Variants in ZNF675 observed in about 807,000 individuals in gnomAD.
The protein encoded by ZNF675 is zinc finger protein 675, also known as TRAF6 inhibitory zinc finger.
Under a neutral mutation model 56.1 loss-of-function variants are expected in ZNF675, and 36 were observed. The ratio of observed to expected loss-of-function variants is 0.64; its 90% CI spans 0.49 to 0.85. ZNF675 has a LOEUF of 0.85. Ranked by LOEUF, ZNF675 falls within the 40% of genes least tolerant of loss-of-function variation. ZNF675 has a pLI of 0.00. For missense variants in ZNF675, 663 were observed against 654.2 expected, an observed-to-expected ratio of 1.01 and a Z score of -0.15; for synonymous variants, 200 against 218.9, an observed-to-expected ratio of 0.91 and a Z score of 0.76.
At chr19:23,677,839 G>A (rs967166358) in intron 1 of ZNF675, among the ~76,000 whole-genome samples, 5 of 151,524 alleles carry the variant, frequency 3.3e-5, no homozygotes, top group African/African-American at 1.2e-4. Flanking sequence ...GTCAGAGATG[G>A]CCGGCTACAG....
chr19:23,678,371 C>T (rs527901237), intron 1 of ZNF675, among the ~76,000 whole-genome samples: 10 of 150,506 alleles, frequency 6.6e-5, no homozygotes, highest in African/African-American at 2.2e-4. Flanking sequence ...CTGCCTCAGC[C>T]ACCCAAGTAG....
intron 1 of ZNF675, among the ~76,000 whole-genome samples, chr19:23,684,838 T>C (rs530075650): frequency 6.6e-6 from 1 of 151,838 alleles, no homozygotes; most frequent in South Asian, 2.1e-4. Flanking sequence ...TCACTTTTTT[T>C]TGTCTTTTGA....
At position 23,673,925 on chromosome 19, in the gene ZNF675, G is replaced by A. The variant is rs140190202; in HGVS notation, c.4-10767C>T. ...TAGAACATTAAGAAAACTGTTGGCC[G>A]GGAACAGTGGCTCACGCCTGTAATC... On this transcript the variant is annotated intron_variant, in intron 1 of 3. Coordinates refer to ENST00000359788, the MANE Select transcript of ZNF675 (RefSeq NM_138330.3). Among the ~76,000 whole-genome samples the A allele has an allele frequency of 5.1e-3, 771 of 151,948 alleles. 13 individuals carry two copies. The highest frequency in any genetic ancestry group is 0.014 in the Middle Eastern group (4 of 292).
Position 23,654,579 on chromosome 19 carries a change from A to C in ZNF675, c.354T>G (p.Ser118Arg). The change falls in exon 4 of 4, where the codon AGT (serine) becomes AGG (arginine). Residue 118 changes from serine (S) to arginine (R), a missense_variant. Transcript: ENST00000359788. Reference sequence around the variant, plus strand: ...CCTTGTGCAACTTACATTCATCCACACTTTTACAGCCTTTTAACTGAAAAT... The same window carrying C: ...CCTTGTGCAACTTACATTCATCCACCCTTTTACAGCCTTTTAACTGAAAAT... Reference protein sequence around the residue: ...NDNFQLKGCKSVDECKLHKGG... With the variant: ...NDNFQLKGCKRVDECKLHKGG... 6.2e-7 allele frequency: 1 copy of C among 1,612,074 alleles called. No homozygotes were observed. The highest frequency in any genetic ancestry group is 8.5e-7 in the Non-Finnish European group (1 of 1,179,060).
intron 3 of ZNF675, chr19:23,655,743 A>G (rs1002361055): frequency 7.9e-5 from 12 of 152,186 alleles, no homozygotes; most frequent in Admixed American, 7.9e-4. Flanking sequence ...AACCTTTTCA[A>G]TCAAAAGCAA....
At chr19:23,667,915 C>T (rs1323525272) in intron 1 of ZNF675, among the ~76,000 whole-genome samples, 1 of 147,968 alleles carries the variant, frequency 6.8e-6, no homozygotes, top group Admixed American at 6.8e-5. Context: ...TACAGAGTGC[C>T]GACTGGTGTA....
chr19:23,673,252 A>C (rs560215567), intron 1 of ZNF675, among the ~76,000 whole-genome samples: 42 of 152,274 alleles, frequency 2.8e-4, no homozygotes, highest in African/African-American at 8.7e-4. Context: ...CACATTTGTG[A>C]GCATTTCAGT....
chr19:23,683,622 A>G (rs1968405831), intron 1 of ZNF675, among the ~76,000 whole-genome samples: 1 of 152,060 alleles, frequency 6.6e-6, no homozygotes, highest in South Asian at 2.1e-4. Context: ...AGGTTTCACC[A>G]TATTGACCAG....
At chr19:23,686,492 A>AC (rs1963534914) in intron 1 of ZNF675, 1 of 152,226 alleles carries the variant, frequency 6.6e-6, no homozygotes, top group Non-Finnish European at 1.5e-5. Flanking sequence ...ACGCCCGGCT[A>AC]ATTTTGTATT....
rs545026082 is a variant in ZNF675 at position 23,683,810 on chromosome 19, A to G, written c.3+3221T>C. ...CATAAACACAACTGACAAATTTTCT[A>G]AACTCACTCTGGGAAAGAAAAAGGT... On this transcript the variant is annotated intron_variant, in intron 1 of 3. Coordinates refer to ENST00000359788, the MANE Select transcript of ZNF675 (RefSeq NM_138330.3). 2.0e-5 allele frequency among the ~76,000 whole-genome samples: 3 copies of G among 152,312 alleles called. No homozygotes were observed. The South Asian group carries it at 6.2e-4, about 32-fold the overall frequency.
At chr19:23,679,943 T>C (rs566191877) in intron 1 of ZNF675, among the ~76,000 whole-genome samples, 3 of 150,752 alleles carry the variant, frequency 2.0e-5, no homozygotes, top group East Asian at 3.9e-4. Flanking sequence ...TGAGCCGAGA[T>C]TGCACCACTG....
intron 1 of ZNF675, among the ~76,000 whole-genome samples, 184 bp downstream of exon 1, chr19:23,686,846 CG>C (rs1968449123): frequency 6.6e-6 from 1 of 152,124 alleles, no homozygotes; most frequent in African/African-American, 2.4e-5. Context: ...CGGGATGCCC[CG>C]GGGCTGGCTG....
chr19:23,678,426 T>C lies in ZNF675; in HGVS notation c.3+8605A>G, dbSNP rs999085186. Among the ~76,000 whole-genome samples, 9 of 151,064 alleles carry C rather than the reference T, an allele frequency of 6.0e-5. 1 individual carries two copies. The highest frequency in any genetic ancestry group is 2.2e-4 in the African/African-American group (9 of 40,598). On this transcript the variant is annotated intron_variant, in intron 1 of 3. Coordinates refer to ENST00000359788, the MANE Select transcript of ZNF675 (RefSeq NM_138330.3). Reference sequence around the variant, plus strand: ...CACCACACCAGGCTAATTTTTTGTATTTTTATTAGAGACAGGGTTTCACCA... The same window carrying C: ...CACCACACCAGGCTAATTTTTTGTACTTTTATTAGAGACAGGGTTTCACCA...
At chr19:23,685,363 T>C (rs1380178243) in intron 1 of ZNF675, among the ~76,000 whole-genome samples, 1 of 152,182 alleles carries the variant, frequency 6.6e-6, no homozygotes, top group African/African-American at 2.4e-5. Flanking sequence ...CTCAGGTTGT[T>C]TTATGAAAGA....
chr19:23,675,488 A>T (rs913984011), intron 1 of ZNF675, among the ~76,000 whole-genome samples: 3 of 151,404 alleles, frequency 2.0e-5, no homozygotes, highest in South Asian at 4.2e-4. Flanking sequence ...CAAAAATTTC[A>T]AAATTGTATC....
intron 1 of ZNF675, among the ~76,000 whole-genome samples, chr19:23,680,522 G>T (rs1568296296): frequency 6.6e-6 from 1 of 151,618 alleles, no homozygotes; most frequent in Non-Finnish European, 1.5e-5. Flanking sequence ...ACTTTGGGAG[G>T]CTGAGGTGGG....
At chr19:23,682,928 C>T (rs1005211656) in intron 1 of ZNF675, among the ~76,000 whole-genome samples, 1 of 151,684 alleles carries the variant, frequency 6.6e-6, no homozygotes, top group African/African-American at 2.4e-5. Context: ...GTGGCTCACA[C>T]CTGTAATCCC....
At chr19:23,682,776 G>A (rs954756058) in intron 1 of ZNF675, among the ~76,000 whole-genome samples, 2 of 151,704 alleles carry the variant, frequency 1.3e-5, no homozygotes, top group South Asian at 2.1e-4. Context: ...TTACTGAAAC[G>A]CAGTGTTAGT....
intron 1 of ZNF675, among the ~76,000 whole-genome samples, chr19:23,670,326 TCCTGCAATCAGG>T (rs1439654386): frequency 2.6e-5 from 4 of 152,132 alleles, no homozygotes; most frequent in Non-Finnish European, 4.4e-5. Context: ...TATGACGCTA[TCCTGCAATCAGG>T]CCTATTTTGC....
Sources: allele counts gnomAD v4.1 joint callset (sites outside exome capture counted in the v4.1 genomes callset), GRCh38; gene constraint gnomAD v4.1.1; transcripts MANE v1.5; gene names NCBI Gene and HGNC (gene_info 2026-07-23, HGNC 2026-07-21).